Variants in SENP8 observed in about 807,000 individuals in gnomAD.
The protein encoded by SENP8 is SUMO peptidase family member, NEDD8 specific, also known as sentrin-specific protease 8.
SENP8 carries 10 observed loss-of-function variants against 14.4 expected under a neutral mutation model. That is an observed-to-expected ratio of 0.69 (90% confidence interval 0.43 to 1.18). The LOEUF (loss-of-function observed/expected upper bound fraction) is 1.18. SENP8 is among the 50% of genes most tolerant of loss of function. The probability of loss-of-function intolerance (pLI) is 0.00; values close to 1 mark genes in which losing one functional copy is unlikely to be tolerated. For missense variants in SENP8, 202 were observed against 249.4 expected (o/e 0.81, Z 1.28); for synonymous variants, 94 against 95.5 (o/e 0.98, Z 0.09).
At chr15:72,126,015 GT>G (rs1475621747) in intron 1 of SENP8, among the ~76,000 whole-genome samples, 1 of 152,016 alleles carries the variant, frequency 6.6e-6, no homozygotes, top group Non-Finnish European at 1.5e-5. Flanking sequence ...TAGAGATGGG[GT>G]TTTGCCATAT....
intron 1 of SENP8, among the ~76,000 whole-genome samples, chr15:72,128,204 T>C (rs2081239076): frequency 6.6e-6 from 1 of 152,154 alleles, no homozygotes; most frequent in Non-Finnish European, 1.5e-5. Flanking sequence ...TGTAATCCAT[T>C]ATATAGTAAC....
In SENP8 at chr15:72,141,756, G is replaced by C. The variant is rs547764061; in HGVS notation, c.*1494G>C. ...TTTCCATTTCAAGTCGGTACATTTT[G>C]GATAAAAACCAGTCCTAATGGAAGA... On this transcript the variant is annotated 3_prime_UTR_variant, in exon 2 of 2. Transcript: ENST00000340912. 2.5e-4 allele frequency: 38 copies of C among 152,278 alleles called. No homozygotes were observed. The highest frequency in any genetic ancestry group is 9.1e-4 in the African/African-American group (38 of 41,558). 9.4% of individuals were successfully genotyped at this position (152,278 alleles called of 1,614,324 possible). A position where few individuals can be genotyped will look rare whatever the true frequency, so the allele number is the denominator to read the frequency against.
chr15:72,139,890 C>T lies in SENP8; in HGVS notation c.267C>T (p.Ala89=). The T allele has an allele frequency of 6.2e-7, 1 of 1,614,192 alleles. No homozygotes were observed. Among genetic ancestry groups the T allele is most frequent in the African/African-American group, 1.3e-5 (1 of 75,046 alleles). ...CCAACAAGAGAGTTGTATTTTTAGC[C>T]ATCAATGATAACTCCAACCAGGCAG... ...DLPNKRVVFL[A]INDNSNQAAG... Residue 89 remains alanine, a synonymous_variant, in exon 2 of 2, where the codon GCC becomes GCT. Transcript: ENST00000340912.
intron 1 of SENP8, among the ~76,000 whole-genome samples, chr15:72,127,579 G>A (rs1318625779): frequency 6.6e-6 from 1 of 152,152 alleles, no homozygotes. Flanking sequence ...TTCATGTAGG[G>A]TTTTGTAAAC....
intron 1 of SENP8, among the ~76,000 whole-genome samples, chr15:72,126,029 GC>G (rs1242412982): frequency 3.3e-5 from 5 of 151,910 alleles, no homozygotes; most frequent in Non-Finnish European, 7.4e-5. Flanking sequence ...TGCCATATTG[GC>G]CAGGCGGGTC....
chr15:72,125,664 G>T (rs150778821), intron 1 of SENP8, among the ~76,000 whole-genome samples: 1 of 151,840 alleles, frequency 6.6e-6, no homozygotes, highest in Admixed American at 6.6e-5. Flanking sequence ...AGACTATTTC[G>T]TGGTTAAATA....
rs766572201 is a variant in SENP8, at chr15:72,139,954, G to A, written c.331G>A (p.Asp111Asn). 9.9e-6 allele frequency: 16 copies of A among 1,614,106 alleles called. No homozygotes were observed. The African/African-American group carries it at 1.5e-4, about 15-fold the overall frequency. ...THWSLLVYLQDKNSFFHYDSH... is the reference protein window; with the variant it reads ...THWSLLVYLQNKNSFFHYDSH... ...CTGGAGTTTATTGGTCTACCTCCAAGATAAAAATAGCTTTTTTCATTATGA... is the reference window on the plus strand; with the variant it reads ...CTGGAGTTTATTGGTCTACCTCCAAAATAAAAATAGCTTTTTTCATTATGA... The change falls in exon 2 of 2, where the codon GAT (aspartate) becomes AAT (asparagine). Residue 111 changes from aspartate (D) to asparagine (N), a missense_variant. Physicochemically the swap from Asp to Asn is conservative, Grantham distance 23. Coordinates refer to ENST00000340912, the MANE Select transcript of SENP8 (RefSeq NM_145204.4).
At chr15:72,114,490 C>G (rs535633620), upstream of SENP8, 5 of 152,322 alleles carry the variant, frequency 3.3e-5, no homozygotes, top group Non-Finnish European at 7.3e-5. Context: ...AAGCGGAGGG[C>G]AATTCCCAGG....
intron 1 of SENP8, among the ~76,000 whole-genome samples, chr15:72,134,472 T>G (rs1005140489): frequency 1.3e-5 from 2 of 152,144 alleles, no homozygotes; most frequent in African/African-American, 2.4e-5. Context: ...CTAGCTACTC[T>G]GGAGGCAGAA....
At chr15:72,118,109 C>T, upstream of SENP8, 1 of 389,388 alleles carries the variant, frequency 2.6e-6, no homozygotes, top group Non-Finnish European at 4.5e-6. Flanking sequence ...CGCGGCCCCG[C>T]CCCGCGCGAC....
intron 1 of SENP8, among the ~76,000 whole-genome samples, chr15:72,126,581 C>T (rs1245037516): frequency 1.3e-5 from 2 of 151,976 alleles, no homozygotes; most frequent in African/African-American, 2.4e-5. Flanking sequence ...GCCGAGATTG[C>T]GCCACTACAC....
chr15:72,124,408 G>T (rs1256779896), intron 1 of SENP8, among the ~76,000 whole-genome samples: 1 of 151,922 alleles, frequency 6.6e-6, no homozygotes, highest in Non-Finnish European at 1.5e-5. Flanking sequence ...AAAAGGAAAC[G>T]TTTTAATTGG....
At chr15:72,114,956 T>A (rs1193997977), upstream of SENP8, among the ~76,000 whole-genome samples, 5 of 152,216 alleles carry the variant, frequency 3.3e-5, no homozygotes, top group Admixed American at 3.3e-4. Flanking sequence ...CCACATAGTA[T>A]AATCCAAATG....
chr15:72,134,905 C>T (rs1188110456), intron 1 of SENP8: 2 of 285,476 alleles, frequency 7.0e-6, no homozygotes, highest in South Asian at 3.7e-5. Flanking sequence ...AGAGAATTAA[C>T]GTGCATATTG....
At chr15:72,133,405 A>G (rs2081294533) in intron 1 of SENP8, among the ~76,000 whole-genome samples, 1 of 152,184 alleles carries the variant, frequency 6.6e-6, no homozygotes, top group Non-Finnish European at 1.5e-5. Context: ...ACTTCATTCT[A>G]GCACGCTAGA....
At chr15:72,116,953 T>G (rs1423187891), upstream of SENP8, 1 of 152,196 alleles carries the variant, frequency 6.6e-6, no homozygotes, top group Non-Finnish European at 1.5e-5. Context: ...TCGGTCCCCT[T>G]AAGCCACAAT....
At chr15:72,120,599 G>GA (rs1287723114) in intron 1 of SENP8, among the ~76,000 whole-genome samples, 1 of 152,110 alleles carries the variant, frequency 6.6e-6, no homozygotes, top group African/African-American at 2.4e-5. Context: ...TTCAGTCTCA[G>GA]AAAAATGTTC....
chr15:72,126,773 C>T lies in SENP8; in HGVS notation c.-48+8309C>T, dbSNP rs541534658. On this transcript the variant is annotated intron_variant, in intron 1 of 1. Coordinates refer to ENST00000340912, the MANE Select transcript of SENP8 (RefSeq NM_145204.4). Reference sequence around the variant, plus strand: ...TGTCAGGCAAACATGATTACTACTACACTATGAGAACAGACTCTCTCATTG... The same window carrying T: ...TGTCAGGCAAACATGATTACTACTATACTATGAGAACAGACTCTCTCATTG... 6.6e-5 allele frequency among the ~76,000 whole-genome samples: 10 copies of T among 152,296 alleles called. No individual in the cohort carries two copies. The East Asian group carries it at 1.3e-3, about 21-fold the overall frequency.
intron 1 of SENP8, among the ~76,000 whole-genome samples, chr15:72,127,274 A>G (rs2081229992): frequency 6.6e-6 from 1 of 152,198 alleles, no homozygotes; most frequent in Admixed American, 6.5e-5. Flanking sequence ...AATAAATTAA[A>G]AAACTATCAC....
Sources: gnomAD v4.1 joint callset for allele counts (sites outside exome capture counted in the v4.1 genomes callset) on GRCh38, gnomAD v4.1.1 for gene constraint, MANE v1.5 for transcripts, NCBI Gene and HGNC (gene_info 2026-07-23, HGNC 2026-07-21) for gene names.